The following MAPK8IP3 variants were observed in gnomAD, a reference collection of about 807,000 sequenced individuals.
The protein encoded by MAPK8IP3 is mitogen-activated protein kinase 8 interacting protein 3, also known as C-Jun-amino-terminal kinase-interacting protein 3.
In MAPK8IP3, 49 loss-of-function variants were observed where a neutral mutation model predicts 157.8. That is an observed-to-expected ratio of 0.31 (90% confidence interval 0.25 to 0.39). The LOEUF is 0.39. Among genes scored for constraint, MAPK8IP3 ranks in the 10% least tolerant of loss-of-function variants. MAPK8IP3 has a pLI of 1.00. For synonymous variants in MAPK8IP3, 897 were observed against 777.7 expected, an observed-to-expected ratio of 1.15 and a Z score of -2.55; for missense variants, 1,478 against 1,889.4, an observed-to-expected ratio of 0.78 and a Z score of 4.04.
Position 1,751,778 on chromosome 16 carries a change from T to C in MAPK8IP3, c.1216+3058T>C, listed in dbSNP as rs2041304140. The C allele has an allele frequency of 6.6e-6, 1 of 152,234 alleles. No individual in the cohort carries two copies. Among genetic ancestry groups the C allele is most frequent in the South Asian group, 2.1e-4 (1 of 4,834 alleles). The allele number at this position is 152,234 out of a possible 1,614,324, so 9.4% of individuals were successfully genotyped here. ...CATGCTCTGTCTCTGTAGATTTGCCTGTTCCAGACGTTTCACAGCAATGGG... is the reference window on the plus strand; with the variant it reads ...CATGCTCTGTCTCTGTAGATTTGCCCGTTCCAGACGTTTCACAGCAATGGG... On this transcript the variant is annotated intron_variant, in intron 8 of 31. Transcript: ENST00000610761. The surrounding 1 kb of genome is among the most constrained non-coding windows in gnomAD (Gnocchi z 5.0).
At chr16:1,759,145 C>A in intron 10 of MAPK8IP3, 150 bp downstream of exon 10, 1 of 1,059,502 alleles carries the variant, frequency 9.4e-7, no homozygotes, top group East Asian at 2.6e-5. Flanking sequence ...CTCGCTCTGT[C>A]CAGGCTGCCT....
intron 4 of MAPK8IP3, among the ~76,000 whole-genome samples, chr16:1,729,784 A>T (rs1325708139): frequency 2.0e-5 from 3 of 152,072 alleles, no homozygotes; most frequent in Non-Finnish European, 4.4e-5. Context: ...GGCGACGGAC[A>T]TGTGTCGAGC....
chr16:1,743,619 G>A lies in MAPK8IP3; in HGVS notation c.747+143G>A, dbSNP rs535043137. 4.1e-6 allele frequency: 6 copies of A among 1,450,574 alleles called. No homozygotes were observed. The African/African-American group carries it at 7.3e-5, about 18-fold the overall frequency. The allele number at this position is 1,450,574 out of a possible 1,614,324, so 89.9% of individuals were successfully genotyped here. On this transcript the variant is annotated intron_variant, in intron 5 of 31. Transcript: ENST00000610761. The surrounding 1 kb of genome is among the most constrained non-coding windows in gnomAD (Gnocchi z 5.6). ...CTCCCTTCGTGTGTGGCAGGATGGAGAAACCCAGCCAGGGTGTCAGGGGCT... is the reference window on the plus strand; with the variant it reads ...CTCCCTTCGTGTGTGGCAGGATGGAAAAACCCAGCCAGGGTGTCAGGGGCT...
intron 1 of MAPK8IP3, among the ~76,000 whole-genome samples, chr16:1,715,134 G>T (rs2038061110): frequency 6.6e-6 from 1 of 152,048 alleles, no homozygotes; most frequent in African/African-American, 2.4e-5. Context: ...TATTCAACCA[G>T]TTGGGATTTG....
Position 1,768,888 on chromosome 16 carries a change from C to T in MAPK8IP3, c.*64C>T. 7 of 1,580,092 alleles carry T rather than the reference C, an allele frequency of 4.4e-6. No homozygotes were observed. The South Asian group carries it at 7.8e-5, about 18-fold the overall frequency. On this transcript the variant is annotated 3_prime_UTR_variant, in exon 32 of 32. Transcript: ENST00000610761. ...CCCGACCACCTGACCCCCGCCCGGC[C>T]CGCGGGGTAGCCAGCCAGGCGCCGC...
chr16:1,718,432 C>A (rs1305688839), intron 1 of MAPK8IP3, among the ~76,000 whole-genome samples: 1 of 152,094 alleles, frequency 6.6e-6, no homozygotes, highest in Non-Finnish European at 1.5e-5. Context: ...GATCCCCCCA[C>A]CTCGGCCTCC....
intron 1 of MAPK8IP3, among the ~76,000 whole-genome samples, chr16:1,708,350 C>T (rs1348486225): frequency 2.0e-5 from 3 of 152,262 alleles, no homozygotes; most frequent in Non-Finnish European, 4.4e-5. Context: ...GGAGCTGTGG[C>T]TGCCCCCTGT....
At chr16:1,755,547 G>T (rs2041542263) in intron 8 of MAPK8IP3, among the ~76,000 whole-genome samples, 1 of 152,078 alleles carries the variant, frequency 6.6e-6, no homozygotes, top group Admixed American at 6.6e-5. Flanking sequence ...GTCAACAAAG[G>T]ATAGTAGAAC....
rs374657244 is a variant in MAPK8IP3 at position 1,762,344 on chromosome 16, T to G, written c.1540-7T>G. 6.4e-7 allele frequency: 1 copy of G among 1,565,916 alleles called. No homozygotes were observed. The highest frequency in any genetic ancestry group is 1.4e-5 in the African/African-American group (1 of 73,632). On this transcript the variant is annotated splice_region_variant and splice_polypyrimidine_tract_variant and intron_variant, in intron 13 of 31. Coordinates refer to ENST00000610761, the MANE Select transcript of MAPK8IP3 (RefSeq NM_001318852.2). ...CTGGCTGAGCCTCTGTGCCCCTCCC[T>G]CCGCAGGACAAAATCCCCATGGCCC...
intron 1 of MAPK8IP3, among the ~76,000 whole-genome samples, chr16:1,714,662 G>C (rs2038026073): frequency 6.6e-6 from 1 of 152,096 alleles, no homozygotes; most frequent in African/African-American, 2.4e-5. Flanking sequence ...CTTCTCCCCA[G>C]GAAATGAATT....
At chr16:1,716,306 ATTTCT>A (rs1471713735) in intron 1 of MAPK8IP3, among the ~76,000 whole-genome samples, 3 of 138,324 alleles carry the variant, frequency 2.2e-5, no homozygotes, top group Non-Finnish European at 4.6e-5. Flanking sequence ...CTCTCAGGTC[ATTTCT>A]TTTTTTTTTT....
chr16:1,738,339 C>T (rs1402246599), intron 4 of MAPK8IP3, among the ~76,000 whole-genome samples: 4 of 68,196 alleles, frequency 5.9e-5, no homozygotes, highest in Non-Finnish European at 8.0e-5. Context: ...AGCGTGTGAC[C>T]GTCCGTGTGT....
rs2042461083 is a variant in MAPK8IP3 at position 1,769,049 on chromosome 16, G to C, written c.*225G>C. The stretch of plus-strand genomic sequence containing the variant: ...CCACCCGAGGGGAAGATGCTCTCGG[G>C]ACAGTTTCCCGGGCAGCTCCTGGCC... On this transcript the variant is annotated 3_prime_UTR_variant, in exon 32 of 32. Coordinates refer to ENST00000610761, the MANE Select transcript of MAPK8IP3 (RefSeq NM_001318852.2). 4 of 588,278 alleles carry C rather than the reference G, an allele frequency of 6.8e-6. No homozygotes were observed. The highest frequency in any genetic ancestry group is 6.0e-6 in the Non-Finnish European group (2 of 333,608). 36.4% of individuals were successfully genotyped at this position (588,278 alleles called of 1,614,324 possible).
intron 8 of MAPK8IP3, among the ~76,000 whole-genome samples, chr16:1,754,035 C>T (rs1263315482): frequency 2.0e-5 from 3 of 151,712 alleles, no homozygotes; most frequent in Admixed American, 6.6e-5. Context: ...TAACTGAGTG[C>T]AGTGGCAGGT....
At position 1,768,719 on chromosome 16, in the gene MAPK8IP3, C is replaced by T. The variant is rs762661117; in HGVS notation, c.3909C>T (p.Asp1303=). The part of the protein sequence containing the change: ...IDFRIGDGED[D]ETEEGAGDMS... ...TGCCCGCAGGAGACGGAGAGGACGA[C>T]GAGACGGAGGAGGGCGCAGGGGACA... The change falls in exon 32 of 32, where the codon GAC becomes GAT. Residue 1303 remains aspartate, a synonymous_variant. Transcript: ENST00000610761. 4 of 1,612,486 alleles carry T rather than the reference C, an allele frequency of 2.5e-6. No individual in the cohort carries two copies. The highest frequency in any genetic ancestry group is 2.2e-5 in the East Asian group (1 of 44,860).
At chr16:1,715,842 C>G (rs767831802) in intron 1 of MAPK8IP3, among the ~76,000 whole-genome samples, 7 of 151,974 alleles carry the variant, frequency 4.6e-5, no homozygotes, top group Non-Finnish European at 1.0e-4. Flanking sequence ...GATTCTGCCT[C>G]AGCCTCCTGA....
At chr16:1,708,970 G>T (rs1055752240) in intron 1 of MAPK8IP3, among the ~76,000 whole-genome samples, 14 of 152,178 alleles carry the variant, frequency 9.2e-5, no homozygotes, top group African/African-American at 3.1e-4. Flanking sequence ...TCACATAGAC[G>T]TGTGTCTGAT....
Position 1,724,796 on chromosome 16 carries a change from C to T in MAPK8IP3, c.439+119C>T. 7.4e-7 allele frequency: 1 copy of T among 1,342,598 alleles called. No homozygotes were observed. The highest frequency in any genetic ancestry group is 1.4e-5 in the South Asian group (1 of 73,042). 83.2% of individuals were successfully genotyped at this position (1,342,598 alleles called of 1,614,324 possible). Reference sequence around the variant, plus strand: ...GGGACGAGAGGAAGCCCAGTGGGAGCCTCAGCCATGTATTCCAGCTCTTTG... The same window carrying T: ...GGGACGAGAGGAAGCCCAGTGGGAGTCTCAGCCATGTATTCCAGCTCTTTG... On this transcript the variant is annotated intron_variant, in intron 2 of 31. Coordinates refer to ENST00000610761, the MANE Select transcript of MAPK8IP3 (RefSeq NM_001318852.2). This position sits in a 1 kb window ranked among gnomAD's most constrained non-coding sequence, Gnocchi z 4.1.
chr16:1,730,809 C>G (rs1341475775), intron 4 of MAPK8IP3, among the ~76,000 whole-genome samples: 1 of 148,818 alleles, frequency 6.7e-6, no homozygotes, highest in Non-Finnish European at 1.5e-5. Flanking sequence ...CACCACTGCA[C>G]TCCAGCCTGG....
Sources: allele counts gnomAD v4.1 joint callset (sites outside exome capture counted in the v4.1 genomes callset), GRCh38; gene constraint gnomAD v4.1.1; non-coding constraint Gnocchi (gnomAD v3.1); transcripts MANE v1.5; gene names NCBI Gene and HGNC (gene_info 2026-07-23, HGNC 2026-07-21).